The following DAPP1 variants were observed in gnomAD, a reference collection of about 807,000 sequenced individuals.
DAPP1 encodes the protein dual adapter for phosphotyrosine and 3-phosphotyrosine and 3-phosphoinositide.
In DAPP1, 20 loss-of-function variants were observed where a neutral mutation model predicts 41.5. That is an observed-to-expected ratio of 0.48 (90% confidence interval 0.34 to 0.70). The LOEUF (loss-of-function observed/expected upper bound fraction) is 0.70, where lower values mean the gene tolerates loss of function less well. Ranked by LOEUF, DAPP1 falls within the 30% of genes least tolerant of loss-of-function variation. The pLI, the probability that DAPP1 is intolerant of heterozygous loss-of-function variation, is 0.01. For synonymous variants in DAPP1, 113 were observed against 116.2 expected (o/e 0.97, Z 0.18); for missense variants, 233 against 333.4 (o/e 0.70, Z 2.35).
chr4:99,861,480 A>G, intron 4 of DAPP1, 98 bp from the exon 5 acceptor site: 1 of 1,299,328 alleles, frequency 7.7e-7, no homozygotes, highest in African/African-American at 1.5e-5. Context: ...TTTAAAGATC[A>G]AAAGCAAACA....
intron 7 of DAPP1, chr4:99,865,388 A>T (rs376029432): frequency 2.6e-5 from 4 of 152,200 alleles, no homozygotes; most frequent in African/African-American, 9.6e-5. Context: ...CATTTAGGAA[A>T]AGTATTTTGT....
chr4:99,830,300 G>A (rs762871035), intron 1 of DAPP1, among the ~76,000 whole-genome samples: 12 of 151,928 alleles, frequency 7.9e-5, no homozygotes, highest in Admixed American at 3.9e-4. Flanking sequence ...CGAGAATTGC[G>A]TGAACCCAGG....
chr4:99,820,154 A>G (rs983817131), intron 1 of DAPP1, among the ~76,000 whole-genome samples: 1 of 152,132 alleles, frequency 6.6e-6, no homozygotes, highest in Non-Finnish European at 1.5e-5. Context: ...TGGGGAGGGC[A>G]AGAAGTGAGG....
Position 99,861,518 on chromosome 4 carries a change from G to A in DAPP1, c.490-60G>A, listed in dbSNP as rs143994523. 742 of 1,486,420 alleles carry A rather than the reference G, an allele frequency of 5.0e-4. 5 individuals carry two copies. The East Asian group carries it at 0.014, about 28-fold the overall frequency. 92.1% of individuals were successfully genotyped at this position (1,486,420 alleles called of 1,614,324 possible). On this transcript the variant is annotated intron_variant, in intron 4 of 8. Coordinates refer to ENST00000512369, the MANE Select transcript of DAPP1 (RefSeq NM_014395.3). ...CTTCATTTAAAAATAGGACATGAAAGGAAGGACAAACGTCCTGTTGTGACA... is the reference window on the plus strand; with the variant it reads ...CTTCATTTAAAAATAGGACATGAAAAGAAGGACAAACGTCCTGTTGTGACA...
At position 99,869,657 on chromosome 4, in the gene DAPP1, C is replaced by T. The variant is rs10002820; in HGVS notation, c.*1472C>T. On this transcript the variant is annotated 3_prime_UTR_variant, in exon 9 of 9. Coordinates refer to ENST00000512369, the MANE Select transcript of DAPP1 (RefSeq NM_014395.3). Reference sequence around the variant, plus strand: ...AAAGTAAGAAGTTACTGGCCAGGAGCGGCGGCTCATGCCTGTAATCCCAGG... The same window carrying T: ...AAAGTAAGAAGTTACTGGCCAGGAGTGGCGGCTCATGCCTGTAATCCCAGG... 12,485 of 152,184 alleles carry T rather than the reference C, an allele frequency of 0.082. 608 individuals carry two copies. Among genetic ancestry groups the T allele is most frequent in the East Asian group, 0.24 (1,247 of 5,174 alleles). The allele number at this position is 152,184 out of a possible 1,614,324, so 9.4% of individuals were successfully genotyped here.
At chr4:99,834,703 C>T (rs573645430) in intron 1 of DAPP1, among the ~76,000 whole-genome samples, 2 of 152,280 alleles carry the variant, frequency 1.3e-5, no homozygotes, top group African/African-American at 4.8e-5. Context: ...AAAACCAATT[C>T]TGATTACAAA....
At chr4:99,834,970 G>A (rs1723245451) in intron 1 of DAPP1, among the ~76,000 whole-genome samples, 1 of 151,600 alleles carries the variant, frequency 6.6e-6, no homozygotes, top group Non-Finnish European at 1.5e-5. Flanking sequence ...TTTTACAAGA[G>A]GACACCAGTC....
intron 1 of DAPP1, among the ~76,000 whole-genome samples, chr4:99,827,255 C>A (rs1722964090): frequency 1.3e-5 from 2 of 152,066 alleles, no homozygotes; most frequent in African/African-American, 4.8e-5. Context: ...TTAAAACCAT[C>A]ACTCTTGGCT....
intron 4 of DAPP1, among the ~76,000 whole-genome samples, chr4:99,857,913 G>A (rs115035776): frequency 0.011 from 1,642 of 152,022 alleles, 38 homozygotes; most frequent in African/African-American, 0.037. Context: ...GTTTTAACAT[G>A]CTTTTTTATT....
intron 8 of DAPP1, among the ~76,000 whole-genome samples, chr4:99,866,961 G>A (rs940330117): frequency 6.6e-6 from 1 of 151,528 alleles, no homozygotes; most frequent in African/African-American, 2.4e-5. Context: ...GTAGAGAAGG[G>A]GTTTCACCAT....
intron 4 of DAPP1, among the ~76,000 whole-genome samples, chr4:99,856,050 G>A (rs1724033478): frequency 6.6e-6 from 1 of 152,132 alleles, no homozygotes; most frequent in Non-Finnish European, 1.5e-5. Context: ...ATAGCATTGA[G>A]TTCCCATGAT....
At chr4:99,848,658 A>C (rs1404831512) in intron 3 of DAPP1, among the ~76,000 whole-genome samples, 2 of 152,148 alleles carry the variant, frequency 1.3e-5, no homozygotes, top group African/African-American at 4.8e-5. Flanking sequence ...CAGTCAATTG[A>C]TGTGTCTGTC....
chr4:99,840,253 G>T (rs567264365), intron 2 of DAPP1, 36 bp from the exon 3 acceptor site: 16 of 1,366,354 alleles, frequency 1.2e-5, no homozygotes, highest in African/African-American at 4.4e-5. Flanking sequence ...ATATTTATTT[G>T]TTAAATAATA....
intron 4 of DAPP1, 101 bp downstream of exon 4, chr4:99,853,449 G>C: frequency 6.9e-7 from 1 of 1,442,478 alleles, no homozygotes; most frequent in Non-Finnish European, 9.3e-7. Context: ...AAAAATTCTA[G>C]CTTGGAATAT....
At chr4:99,854,702 A>G (rs1723984776) in intron 4 of DAPP1, among the ~76,000 whole-genome samples, 1 of 152,026 alleles carries the variant, frequency 6.6e-6, no homozygotes, top group Admixed American at 6.6e-5. Flanking sequence ...TGCCAACACC[A>G]TTGCTATCTA....
At chr4:99,860,860 C>A (rs1560707977) in intron 4 of DAPP1, among the ~76,000 whole-genome samples, 1 of 152,184 alleles carries the variant, frequency 6.6e-6, no homozygotes. Context: ...TTGTCTTATG[C>A]AAATTTCTGT....
chr4:99,834,208 G>T (rs929557091), intron 1 of DAPP1, among the ~76,000 whole-genome samples: 1 of 152,150 alleles, frequency 6.6e-6, no homozygotes, highest in Non-Finnish European at 1.5e-5. Context: ...AATAAATAAT[G>T]CTCGTATGTT....
chr4:99,835,866 G>C (rs1315493438), intron 2 of DAPP1, 121 bp downstream of exon 2: 14 of 1,316,870 alleles, frequency 1.1e-5, no homozygotes, highest in Non-Finnish European at 1.3e-5. Context: ...CCAGGTTAAA[G>C]GATTCCAAAC....
Position 99,835,094 on chromosome 4 carries a change from C to T in DAPP1, c.102-529C>T, listed in dbSNP as rs112612701. ...CATGATCTTGGCTCACTGCAACCTC[C>T]GTCCCCCAGGTTCAAGTGATTCTCC... On this transcript the variant is annotated intron_variant, in intron 1 of 8. Transcript: ENST00000512369. Among the ~76,000 whole-genome samples, 1,738 of 151,906 alleles carry T rather than the reference C, an allele frequency of 0.011. 85 individuals are homozygous for T. The East Asian group carries it at 0.17, about 15-fold the overall frequency.
Sources: gnomAD v4.1 joint callset for allele counts (sites outside exome capture counted in the v4.1 genomes callset) on GRCh38, gnomAD v4.1.1 for gene constraint, MANE v1.5 for transcripts, NCBI Gene and HGNC (gene_info 2026-07-23, HGNC 2026-07-21) for gene names.